Variants in OR8B3 observed in about 807,000 individuals in gnomAD.
OR8B3 encodes olfactory receptor 8B3.
For missense variants in OR8B3, 278 were observed against 377.6 expected, an observed-to-expected ratio of 0.74 and a Z score of 2.19; for synonymous variants, 102 against 135.4, an observed-to-expected ratio of 0.75 and a Z score of 1.71.
chr11:124,408,129 G>T, the OR8B3 span, among the ~76,000 whole-genome samples: 2 of 152,118 alleles, frequency 1.3e-5, no homozygotes, highest in Non-Finnish European at 2.9e-5. Context: ...TGATGACGTT[G>T]TATCCTGAGA....
Position 124,396,804 on chromosome 11 carries a change from G to T in OR8B3, c.548C>A (p.Pro183His), listed in dbSNP as rs1451416900. 2 of 1,610,922 alleles carry T rather than the reference G, an allele frequency of 1.2e-6. No homozygotes were observed. The highest frequency in any genetic ancestry group is 1.7e-6 in the Non-Finnish European group (2 of 1,177,626). ...IINHYLCDIL[P>H]LLQLSCTSTY... Reference sequence around the variant, plus strand: ...GCTGGTGCAGGAAAGCTGGAGGAGGGGGAGTATGTCACACAAGTAATGGTT... The same window carrying T: ...GCTGGTGCAGGAAAGCTGGAGGAGGTGGAGTATGTCACACAAGTAATGGTT... Residue 183 changes from proline (P) to histidine (H), a missense_variant, in exon 2 of 2, where the codon CCC becomes CAC. Coordinates refer to ENST00000641139, the MANE Select transcript of OR8B3 (RefSeq NM_001005467.2).
At chr11:124,401,957 G>T (rs1041204495), upstream of OR8B3, among the ~76,000 whole-genome samples, 2 of 152,188 alleles carry the variant, frequency 1.3e-5, no homozygotes, top group African/African-American at 4.8e-5. Context: ...AGCTGTAGCT[G>T]GTGTCCAGGT....
At chr11:124,399,267 G>A (rs1238565203), upstream of OR8B3, among the ~76,000 whole-genome samples, 2 of 123,574 alleles carry the variant, frequency 1.6e-5, no homozygotes, top group African/African-American at 8.1e-5. Context: ...GTATAATTTA[G>A]TGAAGTTTAT....
At chr11:124,402,213 A>G (rs1861005033), upstream of OR8B3, among the ~76,000 whole-genome samples, 1 of 152,224 alleles carries the variant, frequency 6.6e-6, no homozygotes, top group South Asian at 2.1e-4. Context: ...GATAACAAAG[A>G]TGTACAACAG....
Position 124,396,776 on chromosome 11 carries a change from G to A in OR8B3, c.576C>T (p.Thr192=). The change falls in exon 2 of 2, where the codon ACC becomes ACT. Residue 192 remains threonine (T), a synonymous_variant. Transcript: ENST00000641139. ...TGAGAACAACCACCTCGTTGACATA[G>A]GTGCTGGTGCAGGAAAGCTGGAGGA... is the stretch of plus-strand genomic sequence containing the variant. ...LPLLQLSCTS[T]YVNEVVVLIV... 1 of 1,613,646 alleles carries A rather than the reference G, an allele frequency of 6.2e-7. No homozygotes were observed. The highest frequency in any genetic ancestry group is 8.5e-7 in the Non-Finnish European group (1 of 1,179,750).
At chr11:124,400,246 T>C (rs1447002943), upstream of OR8B3, among the ~76,000 whole-genome samples, 2 of 152,246 alleles carry the variant, frequency 1.3e-5, no homozygotes, top group Non-Finnish European at 2.9e-5. Context: ...TGGGATACAA[T>C]GTGGTGTTTT....
At chr11:124,406,793 CCACACA>C in the OR8B3 span, among the ~76,000 whole-genome samples, 6,755 of 145,172 alleles carry the variant, frequency 0.047, 495 homozygotes, top group African/African-American at 0.15. Context: ...CTCCTTCTCA[CCACACA>C]CACACACACA....
At chr11:124,405,113 T>C in the OR8B3 span, 1 of 152,192 alleles carries the variant, frequency 6.6e-6, no homozygotes, top group East Asian at 1.9e-4. Context: ...CATTTCATGG[T>C]ATGATCTATA....
rs1860896261 is a variant in OR8B3, at chr11:124,397,093, A to G, written c.259T>C (p.Ser87Pro). 6.2e-7 allele frequency: 1 copy of G among 1,613,876 alleles called. No individual in the cohort carries two copies. ...ACATAGGAGATAATATTCTTTTTTG[A>G]TACAAAGTTCATTAGCATTTTGGGA... is the stretch of plus-strand genomic sequence containing the variant. ...FTPKMLMNFV[S>P]KKNIISYVGC... Residue 87 changes from serine (S) to proline (P), a missense_variant, in exon 2 of 2, where the codon TCA (serine) becomes CCA (proline). Ser to Pro is a moderately conservative substitution (Grantham distance 74). Coordinates refer to ENST00000641139, the MANE Select transcript of OR8B3 (RefSeq NM_001005467.2).
rs1271721635 is a variant in OR8B3 at position 124,396,734 on chromosome 11, A to G, written c.618T>C (p.Asn206=). The part of the protein sequence containing the change: ...EVVVLIVVGI[N]IMVPSCTILI... ...GGATGGTACAACTGGGTACCATGAT[A>G]TTAATACCCACAACAATGAGAACAA... The change falls in exon 2 of 2, where the codon AAT becomes AAC. Residue 206 remains asparagine (N), a synonymous_variant. Coordinates refer to ENST00000641139, the MANE Select transcript of OR8B3 (RefSeq NM_001005467.2). The G allele has an allele frequency of 1.2e-6, 2 of 1,614,000 alleles. No individual in the cohort carries two copies. Among genetic ancestry groups the G allele is most frequent in the Admixed American group, 3.3e-5 (2 of 60,020 alleles).
intron 1 of OR8B3, among the ~76,000 whole-genome samples, 186 bp from the exon 2 acceptor site, chr11:124,397,554 T>G (rs1479815054): frequency 6.6e-6 from 1 of 151,564 alleles, no homozygotes; most frequent in Non-Finnish European, 1.5e-5. Context: ...CTGTACAGAC[T>G]GAATGTGACA....
upstream of OR8B3, among the ~76,000 whole-genome samples, chr11:124,399,346 C>T (rs910487123): frequency 6.6e-6 from 1 of 152,012 alleles, no homozygotes; most frequent in African/African-American, 2.4e-5. Flanking sequence ...CTTTTGCATA[C>T]TTCATAGGCA....
chr11:124,398,233 T>A (rs1389300270), intron 1 of OR8B3, among the ~76,000 whole-genome samples: 1 of 151,366 alleles, frequency 6.6e-6, no homozygotes, highest in East Asian at 1.9e-4. Flanking sequence ...ACAAATCACA[T>A]AAGTGTTTCT....
At chr11:124,400,515 G>T (rs568137522), upstream of OR8B3, among the ~76,000 whole-genome samples, 333 of 151,388 alleles carry the variant, frequency 2.2e-3, 2 homozygotes, top group African/African-American at 7.7e-3. Flanking sequence ...CAACCATTTT[G>T]TTTTTTTTCT....
chr11:124,406,288 A>C, the OR8B3 span, among the ~76,000 whole-genome samples: 5 of 152,178 alleles, frequency 3.3e-5, no homozygotes, highest in Non-Finnish European at 7.3e-5. Flanking sequence ...AAATGAGAAT[A>C]GTAATTGATT....
chr11:124,402,744 C>G (rs1223387387), upstream of OR8B3, among the ~76,000 whole-genome samples: 1 of 152,076 alleles, frequency 6.6e-6, no homozygotes, highest in Non-Finnish European at 1.5e-5. Context: ...AGACATGAGG[C>G]CTTCAGATTT....
chr11:124,406,009 A>G, the OR8B3 span, among the ~76,000 whole-genome samples: 1 of 152,212 alleles, frequency 6.6e-6, no homozygotes, highest in Non-Finnish European at 1.5e-5. Flanking sequence ...AGTGCTACAA[A>G]AGGAAAGTCC....
At chr11:124,402,914 G>A (rs1479077954), upstream of OR8B3, among the ~76,000 whole-genome samples, 1 of 152,064 alleles carries the variant, frequency 6.6e-6, no homozygotes, top group East Asian at 1.9e-4. Flanking sequence ...ATAGTGGAGG[G>A]AAGGTCAGCA....
intron 1 of OR8B3, among the ~76,000 whole-genome samples, chr11:124,397,985 G>T (rs986373528): frequency 6.6e-6 from 1 of 152,042 alleles, no homozygotes; most frequent in Non-Finnish European, 1.5e-5. Flanking sequence ...GTGAACCACC[G>T]AGCCTGGCCA....
Sources: allele counts gnomAD v4.1 joint callset (sites outside exome capture counted in the v4.1 genomes callset), GRCh38; gene constraint gnomAD v4.1.1; transcripts MANE v1.5; gene names NCBI Gene and HGNC (gene_info 2026-07-23, HGNC 2026-07-21).